The following SV2C variants were observed in gnomAD, a reference collection of about 807,000 sequenced individuals.
SV2C encodes the protein solute carrier family 22 member B3.
SV2C carries 49 observed loss-of-function variants against 79.7 expected under a neutral mutation model. The observed-to-expected ratio is 0.61, with a 90% confidence interval of 0.49 to 0.78. The LOEUF (loss-of-function observed/expected upper bound fraction) is 0.78. Ranked by LOEUF, SV2C falls within the 30% of genes least tolerant of loss-of-function variation. The pLI is 0.00. For synonymous variants in SV2C, 334 were observed against 333.2 expected (o/e 1.00, Z -0.03); for missense variants, 833 against 912.9 (o/e 0.91, Z 1.13).
the SV2C span, among the ~76,000 whole-genome samples, chr5:76,006,276 C>A: frequency 6.6e-6 from 1 of 152,170 alleles, no homozygotes; most frequent in Non-Finnish European, 1.5e-5. Context: ...CAGCTCTGGT[C>A]ATTACCACAT....
the SV2C span, among the ~76,000 whole-genome samples, chr5:75,992,943 G>A: frequency 1.3e-5 from 2 of 151,898 alleles, no homozygotes; most frequent in South Asian, 2.1e-4. Flanking sequence ...TACATTAAAG[G>A]AACTCTCAGA....
Sources: gnomAD v4.1 joint callset for allele counts (sites outside exome capture counted in the v4.1 genomes callset) on GRCh38, gnomAD v4.1.1 for gene constraint, MANE v1.5 for transcripts, NCBI Gene and HGNC (gene_info 2026-07-23, HGNC 2026-07-21) for gene names.